Variants in CCDC88C observed in about 807,000 individuals in gnomAD.
CCDC88C encodes protein Daple.
A neutral mutation model predicts 198.8 loss-of-function variants in CCDC88C; 131 were observed. The ratio of observed to expected loss-of-function variants is 0.66; its 90% CI spans 0.57 to 0.76. CCDC88C has a LOEUF of 0.76. Ranked by LOEUF, CCDC88C falls within the 30% of genes least tolerant of loss-of-function variation. The pLI is 0.00. For missense variants in CCDC88C, 2,553 were observed against 2,631.6 expected (o/e 0.97, Z 0.65); for synonymous variants, 1,166 against 1,114.7 (o/e 1.05, Z -0.92).
chr14:91,360,881 G>T (rs1372800168), intron 3 of CCDC88C, among the ~76,000 whole-genome samples: 1 of 152,146 alleles, frequency 6.6e-6, no homozygotes, highest in East Asian at 1.9e-4. Context: ...GTGGGGCACG[G>T]TGGACACGCT....
In CCDC88C at chr14:91,313,149, C is replaced by T. The variant is rs1194069644; in HGVS notation, c.2667G>A (p.Leu889=). 8 of 1,610,660 alleles carry T rather than the reference C, an allele frequency of 5.0e-6. No homozygotes were observed. Among genetic ancestry groups the T allele is most frequent in the Non-Finnish European group, 5.9e-6 (7 of 1,177,694 alleles). Residue 889 remains leucine (L), a synonymous_variant, in exon 15 of 30, where the codon CTG becomes CTA. Transcript: ENST00000389857. The surrounding 1 kb of genome is among the most constrained non-coding windows in gnomAD (Gnocchi z 5.2). Reference sequence around the variant, plus strand: ...TGGTGAGGTCCCGGTTGTCCTTCTCCAGCTCCTTCAGCTTGCCGGCTGCGT... The same window carrying T: ...TGGTGAGGTCCCGGTTGTCCTTCTCTAGCTCCTTCAGCTTGCCGGCTGCGT... The part of the protein sequence containing the change: ...CRDAAGKLKE[L]EKDNRDLTKQ...
At chr14:91,375,466 CTT>C (rs1029989745) in intron 3 of CCDC88C, among the ~76,000 whole-genome samples, 1 of 152,026 alleles carries the variant, frequency 6.6e-6, no homozygotes, top group African/African-American at 2.4e-5. Flanking sequence ...GGAAGCTTTT[CTT>C]CAGATGTGGG....
intron 3 of CCDC88C, among the ~76,000 whole-genome samples, chr14:91,399,562 G>A (rs116203107): frequency 0.015 from 2,351 of 152,272 alleles, 46 homozygotes; most frequent in African/African-American, 0.043. Flanking sequence ...CCTAGGCCAG[G>A]CTCAGTGGCT....
At position 91,314,028 on chromosome 14, in the gene CCDC88C, G is replaced by A; in HGVS notation, c.1788C>T (p.His596=). 1 of 1,613,900 alleles carries A rather than the reference G, an allele frequency of 6.2e-7. No homozygotes were observed. The highest frequency in any genetic ancestry group is 8.5e-7 in the Non-Finnish European group (1 of 1,179,878). ...TGCCATTGGCCTCCGTCACCGTCTG[G>A]TGGAGGGCTTTGTTCTCCTTCTCCA... is the stretch of plus-strand genomic sequence containing the variant. ...KDVEKENKAL[H]QTVTEANGKL... is the part of the protein sequence containing the mutation. Residue 596 remains histidine, a synonymous_variant, in exon 15 of 30, where the codon CAC becomes CAT. Coordinates refer to ENST00000389857, the MANE Select transcript of CCDC88C (RefSeq NM_001080414.4).
intron 26 of CCDC88C, among the ~76,000 whole-genome samples, chr14:91,282,793 G>A (rs560477934): frequency 5.3e-4 from 81 of 152,238 alleles, no homozygotes; most frequent in African/African-American, 1.8e-3. Flanking sequence ...AGGTGTAGTG[G>A]CTCAACACCT....
At chr14:91,378,891 C>T (rs1354726848) in intron 3 of CCDC88C, 1 of 152,218 alleles carries the variant, frequency 6.6e-6, no homozygotes, top group East Asian at 1.9e-4. Flanking sequence ...CCTTCTCCCA[C>T]TGATGGGCAT....
chr14:91,313,248 G>C lies in CCDC88C; in HGVS notation c.2568C>G (p.Asp856Glu). 1 of 1,613,980 alleles carries C rather than the reference G, an allele frequency of 6.2e-7. No individual in the cohort carries two copies. The highest frequency in any genetic ancestry group is 2.2e-5 in the East Asian group (1 of 44,886). Residue 856 changes from aspartate to glutamate, a missense_variant, in exon 15 of 30, where the codon GAC becomes GAG. Asp to Glu is a conservative substitution (Grantham distance 45). Around this residue, in one of 2 missense-constraint regions of CCDC88C, gnomAD observed 1,260 missense variants for 1,412.0 expected, o/e 0.89. Coordinates refer to ENST00000389857, the MANE Select transcript of CCDC88C (RefSeq NM_001080414.4). The surrounding 1 kb of genome is among the most constrained non-coding windows in gnomAD (Gnocchi z 5.2). ...QQVELKDAVL[D>E]DSTAKLSAVE... ...CGGCGGACAGTTTGGCAGTGCTATC[G>C]TCCAAGACTGCATCCTTGAGCTCCA...
chr14:91,300,106 G>C, intron 20 of CCDC88C, 36 bp from the exon 21 acceptor site: 1 of 1,595,332 alleles, frequency 6.3e-7, no homozygotes, highest in South Asian at 1.1e-5. Flanking sequence ...AGTCTGGCCA[G>C]GGCCTTCTTT....
chr14:91,397,609 C>T (rs1885930228), intron 3 of CCDC88C, among the ~76,000 whole-genome samples: 1 of 152,352 alleles, frequency 6.6e-6, no homozygotes, highest in South Asian at 2.1e-4. Flanking sequence ...TCTCTGCTTC[C>T]TGCCGCTCTG....
At chr14:91,285,702 G>A in intron 25 of CCDC88C, 1 of 1,288,996 alleles carries the variant, frequency 7.8e-7, no homozygotes. Context: ...AAAGAGAGAG[G>A]CTCGTTAGGA....
intron 21 of CCDC88C, 99 bp from the exon 22 acceptor site, chr14:91,297,590 G>T: frequency 1.6e-6 from 2 of 1,269,924 alleles, no homozygotes; most frequent in Non-Finnish European, 2.2e-6. Flanking sequence ...ACAGTGGCAG[G>T]CTGTGCAACC....
At chr14:91,353,326 C>G (rs1017561724) in intron 4 of CCDC88C, among the ~76,000 whole-genome samples, 2 of 152,174 alleles carry the variant, frequency 1.3e-5, no homozygotes, top group African/African-American at 4.8e-5. Context: ...CTGGCCTGCC[C>G]AAGCAGAACT....
intron 3 of CCDC88C, among the ~76,000 whole-genome samples, chr14:91,407,754 G>A (rs540800836): frequency 7.2e-5 from 11 of 152,134 alleles, no homozygotes; most frequent in Non-Finnish European, 1.2e-4. Context: ...GACTCAACTG[G>A]CCTTCCCAAG....
intron 3 of CCDC88C, among the ~76,000 whole-genome samples, chr14:91,369,319 G>A (rs1163323419): frequency 1.3e-5 from 2 of 152,108 alleles, no homozygotes; most frequent in African/African-American, 2.4e-5. Context: ...CAATTCTCCC[G>A]CCTCAGCTTC....
At chr14:91,365,771 C>T (rs1329391676) in intron 3 of CCDC88C, among the ~76,000 whole-genome samples, 2 of 152,148 alleles carry the variant, frequency 1.3e-5, no homozygotes, top group Non-Finnish European at 2.9e-5. Flanking sequence ...CTCCCCAAAA[C>T]TACAAAAGGA....
At chr14:91,395,319 A>G (rs1885779711) in intron 3 of CCDC88C, among the ~76,000 whole-genome samples, 2 of 152,068 alleles carry the variant, frequency 1.3e-5, no homozygotes, top group Admixed American at 6.5e-5. Flanking sequence ...AGCTGTCGCT[A>G]TTATTATTCA....
intron 3 of CCDC88C, chr14:91,378,830 T>C (rs1214775669): frequency 1.3e-5 from 2 of 152,204 alleles, no homozygotes; most frequent in Non-Finnish European, 2.9e-5. Context: ...TTAATGTGTT[T>C]GGACAGCTGT....
Position 91,273,023 on chromosome 14 carries a change from C to A in CCDC88C, c.5689G>T (p.Ala1897Ser). The part of the protein sequence containing the change: ...SLAPPKEERL[A>S]PLHQSATAPA... ...GCTGTGGCAGACTGATGCAGGGGGG[C>A]CAGCCTCTCCTCCTTTGGGGGAGCC... Residue 1897 changes from alanine (A) to serine (S), a missense_variant, in exon 30 of 30, where the codon GCC (alanine) becomes TCC (serine). This residue lies in a region of CCDC88C where 1,293 missense variants were observed against 1,219.6 expected (regional missense o/e 1.06). Transcript: ENST00000389857. The surrounding 1 kb of genome is among the most constrained non-coding windows in gnomAD (Gnocchi z 5.6). 6.4e-7 allele frequency: 1 copy of A among 1,553,498 alleles called. No individual in the cohort carries two copies.
At chr14:91,385,214 A>G (rs1297885111) in intron 3 of CCDC88C, among the ~76,000 whole-genome samples, 5 of 152,110 alleles carry the variant, frequency 3.3e-5, no homozygotes, top group Non-Finnish European at 5.9e-5. Context: ...AGGTTTACCT[A>G]AGAAGTCTAC....
Sources: gnomAD v4.1 joint callset for allele counts (sites outside exome capture counted in the v4.1 genomes callset) on GRCh38, gnomAD v4.1.1 for gene constraint, gnomAD v4.1.1 regional missense constraint, Gnocchi (gnomAD v3.1) non-coding constraint, MANE v1.5 for transcripts, NCBI Gene and HGNC (gene_info 2026-07-23, HGNC 2026-07-21) for gene names.